The following SAMMSON variants were observed in gnomAD, a reference collection of about 807,000 sequenced individuals.
The protein encoded by SAMMSON is survival associated mitochondrial melanoma specific oncogenic non-coding RNA.
At chr3:70,055,029 G>A (rs936582068) in intron 3 of SAMMSON, among the ~76,000 whole-genome samples, 31 of 152,134 alleles carry the variant, frequency 2.0e-4, no homozygotes, top group African/African-American at 7.0e-4. Flanking sequence ...TTAAATTTTG[G>A]TGTGATCTTG....
chr3:70,423,265 T>C (rs1701326346), intron 2 of SAMMSON, among the ~76,000 whole-genome samples: 1 of 152,188 alleles, frequency 6.6e-6, no homozygotes, highest in African/African-American at 2.4e-5. Context: ...TTCTTTGTGC[T>C]TTTCTGTAAT....
chr3:70,158,606 A>G (rs1032513015), intron 4 of SAMMSON, among the ~76,000 whole-genome samples: 1 of 152,016 alleles, frequency 6.6e-6, no homozygotes, highest in African/African-American at 2.4e-5. Context: ...GGCTTTTAGT[A>G]AAAGCATGGG....
chr3:70,340,878 A>G (rs1008610034), intron 7 of SAMMSON, among the ~76,000 whole-genome samples: 1 of 152,088 alleles, frequency 6.6e-6, no homozygotes, highest in African/African-American at 2.4e-5. Context: ...GAATCTTGTG[A>G]GTCCTCTTGG....
rs71672662 is a variant in SAMMSON at position 70,237,979 on chromosome 3, C to CTTTTTTTTTTTTTTTTTTTTTTTTTT, written n.508-11127_508-11102dup. On this transcript the variant is annotated intron_variant and non_coding_transcript_variant, in intron 4 of 9. Coordinates refer to ENST00000642114, the Ensembl canonical transcript of SAMMSON. The stretch of plus-strand genomic sequence containing the variant: ...GGAAAAGAAACTAATTGAGTGGTAT[C>CTTTTTTTTTTTTTTTTTTTTTTTTTT]TTTTTTTTTTTTTTTTTTTTTTTTT... 2.7e-4 allele frequency among the ~76,000 whole-genome samples: 13 copies of CTTTTTTTTTTTTTTTTTTTTTTTTTT among 48,942 alleles called. 3 individuals are homozygous for CTTTTTTTTTTTTTTTTTTTTTTTTTT. Among genetic ancestry groups the CTTTTTTTTTTTTTTTTTTTTTTTTTT allele is most frequent in the East Asian group, 1.0e-3 (1 of 994 alleles). 32.1% of individuals were successfully genotyped at this position (48,942 alleles called of 152,430 possible). A position where few individuals can be genotyped will look rare whatever the true frequency, so the allele number is the denominator to read the frequency against.
chr3:70,314,860 A>C (rs748175592), intron 7 of SAMMSON, among the ~76,000 whole-genome samples: 2 of 152,034 alleles, frequency 1.3e-5, no homozygotes, highest in Non-Finnish European at 2.9e-5. Context: ...GTTCATTTTG[A>C]AGGCTTTCTA....
intron 4 of SAMMSON, among the ~76,000 whole-genome samples, chr3:70,234,913 C>A (rs1334632233): frequency 1.3e-5 from 2 of 152,138 alleles, no homozygotes; most frequent in African/African-American, 4.8e-5. Context: ...ACATCTTCAG[C>A]CTGAAGAAAC....
chr3:70,227,595 C>T (rs982345294), intron 4 of SAMMSON, among the ~76,000 whole-genome samples: 1 of 152,224 alleles, frequency 6.6e-6, no homozygotes, highest in Non-Finnish European at 1.5e-5. Context: ...ATAGATTACT[C>T]TTTCAAAAGG....
chr3:70,156,236 C>T (rs1576137929), intron 4 of SAMMSON, among the ~76,000 whole-genome samples: 1 of 152,050 alleles, frequency 6.6e-6, no homozygotes, highest in African/African-American at 2.4e-5. Context: ...CCCACCCATT[C>T]AGAGCTGAAG....
At chr3:70,428,828 C>A (rs1701391518) in intron 2 of SAMMSON, among the ~76,000 whole-genome samples, 1 of 152,064 alleles carries the variant, frequency 6.6e-6, no homozygotes, top group South Asian at 2.1e-4. Flanking sequence ...ATTTTGTTAT[C>A]TTTCTTCCAA....
intron 2 of SAMMSON, among the ~76,000 whole-genome samples, chr3:70,406,524 C>T (rs890030984): frequency 5.9e-5 from 9 of 151,972 alleles, no homozygotes; most frequent in Non-Finnish European, 1.0e-4. Flanking sequence ...GTAAAAATAG[C>T]AACCATATAT....
At chr3:70,125,601 C>T in intron 4 of SAMMSON, 1 of 699,136 alleles carries the variant, frequency 1.4e-6, no homozygotes, top group Non-Finnish European at 2.6e-6. Flanking sequence ...AATTTTGTTT[C>T]TTCTCTAAAT....
intron 4 of SAMMSON, among the ~76,000 whole-genome samples, chr3:70,092,902 G>GTTTTTTTTTTTTTTTTTTTTTTTTTTTTT: frequency 7.2e-6 from 1 of 138,176 alleles, no homozygotes; most frequent in Non-Finnish European, 1.5e-5. Context: ...TAGTGTTTTT[G>GTTTTTTTTTTTTTTTTTTTTTTTTTTTTT]TTTTTTTTTT....
intron 6 of SAMMSON, among the ~76,000 whole-genome samples, chr3:70,288,707 G>C (rs1478010455): frequency 1.3e-5 from 2 of 151,800 alleles, no homozygotes; most frequent in Non-Finnish European, 2.9e-5. Flanking sequence ...TCTCTTTGTA[G>C]GTCACTCAGG....
chr3:70,004,517 A>T (rs1311975078), intron 1 of SAMMSON, among the ~76,000 whole-genome samples: 6 of 152,298 alleles, frequency 3.9e-5, no homozygotes, highest in African/African-American at 1.4e-4. Context: ...TAGAGACAAC[A>T]TAGCTAACAC....
intron 4 of SAMMSON, among the ~76,000 whole-genome samples, chr3:70,109,419 C>T (rs1269232660): frequency 1.3e-5 from 2 of 152,152 alleles, no homozygotes; most frequent in African/African-American, 2.4e-5. Flanking sequence ...TTGAGTTCTG[C>T]ATGCTAAAGT....
intron 9 of SAMMSON, among the ~76,000 whole-genome samples, chr3:70,385,603 G>A (rs1396861562): frequency 2.0e-5 from 3 of 152,038 alleles, no homozygotes; most frequent in Admixed American, 1.3e-4. Flanking sequence ...GCCCAGGACA[G>A]TCTGTGATTG....
chr3:70,073,195 T>C (rs2067236379), intron 4 of SAMMSON, among the ~76,000 whole-genome samples: 1 of 152,024 alleles, frequency 6.6e-6, no homozygotes, highest in African/African-American at 2.4e-5. Flanking sequence ...AAGACAGTGC[T>C]ACATAGACAT....
At chr3:70,336,814 TTGTGTG>T (rs71126494) in intron 7 of SAMMSON, among the ~76,000 whole-genome samples, 2,093 of 126,622 alleles carry the variant, frequency 0.017, 24 homozygotes, top group South Asian at 0.063. Context: ...AATAGAAAGT[TTGTGTG>T]TGTGTGTGTG....
chr3:70,412,294 G>A (rs1367779028), intron 2 of SAMMSON, among the ~76,000 whole-genome samples: 4 of 152,030 alleles, frequency 2.6e-5, no homozygotes, highest in Admixed American at 6.6e-5. Context: ...AGCACATGAG[G>A]CCAACAACCT....
Sources: allele counts gnomAD v4.1 joint callset (sites outside exome capture counted in the v4.1 genomes callset), GRCh38; gene constraint gnomAD v4.1.1; transcripts MANE v1.5; gene names NCBI Gene and HGNC (gene_info 2026-07-23, HGNC 2026-07-21).